The following SOX6 variants were observed in gnomAD, a reference collection of about 807,000 sequenced individuals.
The protein encoded by SOX6 is transcription factor SOX-6.
In SOX6, 11 loss-of-function variants were observed where a neutral mutation model predicts 97.8. The observed-to-expected ratio is 0.11, with a 90% CI of 0.07 to 0.19. The LOEUF (loss-of-function observed/expected upper bound fraction) is 0.19, where lower values mean the gene tolerates loss of function less well. Ranked by LOEUF, SOX6 falls within the 10% of genes least tolerant of loss-of-function variation. The probability of loss-of-function intolerance (pLI) is 1.00; values close to 1 mark genes in which losing one functional copy is unlikely to be tolerated. For synonymous variants in SOX6, 360 were observed against 371.4 expected (o/e 0.97, Z 0.35); for missense variants, 810 against 1,039.5 (o/e 0.78, Z 3.04).
chr11:16,183,066 C>G (rs1373650641), intron 6 of SOX6, among the ~76,000 whole-genome samples: 4 of 151,862 alleles, frequency 2.6e-5, no homozygotes, highest in African/African-American at 7.2e-5. Context: ...ACTCTGTGAT[C>G]AGTGTTTCTA....
At chr11:16,579,388 C>G (rs959712315) in intron 4 of SOX6, among the ~76,000 whole-genome samples, 2 of 151,852 alleles carry the variant, frequency 1.3e-5, no homozygotes, top group African/African-American at 4.8e-5. Flanking sequence ...ACCACCCAGA[C>G]CAAGCTATAA....
upstream of SOX6, among the ~76,000 whole-genome samples, chr11:16,360,791 C>G (rs988836290): frequency 1.3e-5 from 2 of 152,086 alleles, no homozygotes; most frequent in African/African-American, 2.4e-5. Flanking sequence ...ATCACAAGGT[C>G]AGGAGATCGA....
In SOX6 at chr11:15,973,099, T is replaced by C; in HGVS notation, c.2197A>G (p.Ile733Val). 1 of 1,614,094 alleles carries C rather than the reference T, an allele frequency of 6.2e-7. No individual in the cohort carries two copies. Among genetic ancestry groups the C allele is most frequent in the South Asian group, 1.1e-5 (1 of 91,078 alleles). ...ACACCTGTTCCTGTGGTGATTGGAA[T>C]CTGAGGCTGTTGCCTATATAGATTC... ...QFFTVGQQPQ[I>V]PITTGTGVVY... is the part of the protein sequence containing the mutation. Residue 733 changes from isoleucine (I) to valine (V), a missense_variant, in exon 16 of 16, where the codon ATT becomes GTT. Transcript: ENST00000683767.
At chr11:16,493,767 G>C (rs1405839501) in intron 4 of SOX6, among the ~76,000 whole-genome samples, 3 of 152,144 alleles carry the variant, frequency 2.0e-5, no homozygotes, top group African/African-American at 7.2e-5. Context: ...TCACCTGTAT[G>C]GTCCAGAGTA....
chr11:16,634,871 C>T (rs770455632), intron 3 of SOX6, among the ~76,000 whole-genome samples: 4 of 152,160 alleles, frequency 2.6e-5, no homozygotes, highest in African/African-American at 9.7e-5. Flanking sequence ...ATGCTGTTCT[C>T]ATAATAGTCA....
At chr11:16,678,338 T>C (rs1043845899) in intron 3 of SOX6, among the ~76,000 whole-genome samples, 1 of 152,232 alleles carries the variant, frequency 6.6e-6, no homozygotes, top group African/African-American at 2.4e-5. Flanking sequence ...AGTTTTAACA[T>C]GTTATGTTTT....
At chr11:16,530,867 C>G (rs1362610856) in intron 4 of SOX6, among the ~76,000 whole-genome samples, 1 of 150,824 alleles carries the variant, frequency 6.6e-6, no homozygotes, top group Non-Finnish European at 1.5e-5. Context: ...CGTTGTAAGC[C>G]ACACCAAACT....
Position 16,186,831 on chromosome 11 carries a change from A to G in SOX6, c.660T>C (p.Ile220=). Residue 220 remains isoleucine, a synonymous_variant, in exon 5 of 16, where the codon ATT becomes ATC. Coordinates refer to ENST00000683767, the MANE Select transcript of SOX6 (RefSeq NM_001367873.1). ...GGTCCATTTGCTGCCGTTGTTTCTCAATTTGTGACGCTGCCAGTTTTTTCT... is the reference window on the plus strand; with the variant it reads ...GGTCCATTTGCTGCCGTTGTTTCTCGATTTGTGACGCTGCCAGTTTTTTCT... ...DEQKKLAASQ[I]EKQRQQMDLA... is the part of the protein sequence containing the mutation. The G allele has an allele frequency of 6.2e-7, 1 of 1,613,492 alleles. No individual in the cohort carries two copies. The highest frequency in any genetic ancestry group is 8.5e-7 in the Non-Finnish European group (1 of 1,179,802).
intron 1 of SOX6, among the ~76,000 whole-genome samples, chr11:16,437,746 A>AATT (rs759427630): frequency 0.091 from 13,903 of 152,268 alleles, 684 homozygotes; most frequent in Non-Finnish European, 0.11. Flanking sequence ...AAACTACATA[A>AATT]TATGGGGAAA....
rs565602813 is a variant in SOX6 at position 16,513,359 on chromosome 11, A to G, written n.610-36971T>C. Among the ~76,000 whole-genome samples, 16 of 152,372 alleles carry G rather than the reference A, an allele frequency of 1.1e-4. No homozygotes were observed. In the South Asian group the frequency reaches 2.3e-3, roughly 22 times the overall value. On this transcript the variant is annotated intron_variant and non_coding_transcript_variant, in intron 4 of 5. Transcript: ENST00000524520. ...GTAAAACAGTGGAAGGGGGCCGGGC[A>G]CAGTGGCTCAGGCCTGTAATCCCAG...
intron 4 of SOX6, among the ~76,000 whole-genome samples, chr11:16,517,375 G>C (rs1219580215): frequency 6.6e-6 from 1 of 151,936 alleles, no homozygotes; most frequent in African/African-American, 2.4e-5. Context: ...ATTAGGAAAA[G>C]AGGAAGTCAA....
At position 16,388,520 on chromosome 11, in the gene SOX6, T is replaced by C. The variant is rs183195735; in HGVS notation, c.-4-47268A>G. ...TGATAGAATCCACAAGTGAAATCATTTGGGCTTGGAGTTTCCTTTATAGAA... is the reference window on the plus strand; with the variant it reads ...TGATAGAATCCACAAGTGAAATCATCTGGGCTTGGAGTTTCCTTTATAGAA... On this transcript the variant is annotated intron_variant, in intron 1 of 15. Coordinates refer to the SOX6 transcript ENST00000396356. 7.3e-4 allele frequency among the ~76,000 whole-genome samples: 111 copies of C among 152,220 alleles called. No homozygotes were observed. The East Asian group carries it at 0.018, about 25-fold the overall frequency.
chr11:16,063,831 T>A (rs2133932776), intron 9 of SOX6, among the ~76,000 whole-genome samples: 1 of 151,384 alleles, frequency 6.6e-6, no homozygotes, highest in Non-Finnish European at 1.5e-5. Context: ...TCCATTTTAG[T>A]CAATCTTACT....
At chr11:16,124,990 G>T (rs538507036) in intron 6 of SOX6, among the ~76,000 whole-genome samples, 9 of 152,134 alleles carry the variant, frequency 5.9e-5, no homozygotes, top group Admixed American at 1.3e-4. Context: ...CTCCGCTCAA[G>T]TAGAAGGAAA....
chr11:16,550,598 A>G (rs1847672642), intron 4 of SOX6, among the ~76,000 whole-genome samples: 1 of 152,126 alleles, frequency 6.6e-6, no homozygotes, highest in African/African-American at 2.4e-5. Flanking sequence ...TCTAAATTAT[A>G]CCTTAATTAA....
intron 4 of SOX6, among the ~76,000 whole-genome samples, chr11:16,538,935 G>T (rs1276908477): frequency 6.6e-6 from 1 of 152,068 alleles, no homozygotes; most frequent in Non-Finnish European, 1.5e-5. Flanking sequence ...AGGTTAACAA[G>T]GATATCCAGG....
At chr11:16,518,049 T>G (rs933286852) in intron 4 of SOX6, among the ~76,000 whole-genome samples, 3 of 152,164 alleles carry the variant, frequency 2.0e-5, no homozygotes, top group African/African-American at 7.2e-5. Flanking sequence ...CTTCCTTAAA[T>G]ATAAATATGA....
intron 3 of SOX6, among the ~76,000 whole-genome samples, chr11:16,286,573 G>A (rs1402740843): frequency 6.6e-6 from 1 of 152,082 alleles, no homozygotes; most frequent in Non-Finnish European, 1.5e-5. Flanking sequence ...ACTGTGTTCA[G>A]TGAGGTATTT....
chr11:16,478,416 C>A (rs1031469311), upstream of SOX6, among the ~76,000 whole-genome samples: 14 of 152,118 alleles, frequency 9.2e-5, no homozygotes, highest in African/African-American at 3.4e-4. Flanking sequence ...ATCTCTAACT[C>A]TAGAAATATT....
Sources: gnomAD v4.1 joint callset for allele counts (sites outside exome capture counted in the v4.1 genomes callset) on GRCh38, gnomAD v4.1.1 for gene constraint, MANE v1.5 for transcripts, NCBI Gene and HGNC (gene_info 2026-07-23, HGNC 2026-07-21) for gene names.